The following SNTG1 variants were observed in gnomAD, a reference collection of about 807,000 sequenced individuals.
SNTG1 encodes the protein gamma-1-syntrophin.
Under a neutral mutation model 74.7 loss-of-function variants are expected in SNTG1, and 39 were observed. The observed-to-expected ratio is 0.52, with a 90% CI of 0.40 to 0.68. The LOEUF is 0.68. SNTG1 is among the 30% of genes least tolerant of loss of function. The pLI is 0.00. For synonymous variants in SNTG1, 254 were observed against 217.1 expected, an observed-to-expected ratio of 1.17 and a Z score of -1.49; for missense variants, 685 against 609.5, an observed-to-expected ratio of 1.12 and a Z score of -1.30.
intron 15 of SNTG1, among the ~76,000 whole-genome samples, chr8:50,694,124 G>A (rs1489930186): frequency 6.7e-6 from 1 of 148,420 alleles, no homozygotes; most frequent in Non-Finnish European, 1.5e-5. Context: ...AAACAAATTA[G>A]AGACTAGAAA....
intron 2 of SNTG1, among the ~76,000 whole-genome samples, chr8:50,255,930 G>A (rs1365567097): frequency 6.6e-6 from 1 of 152,090 alleles, no homozygotes; most frequent in Non-Finnish European, 1.5e-5. Context: ...CGTAGGACAG[G>A]CAAACCCTAC....
intron 18 of SNTG1, among the ~76,000 whole-genome samples, chr8:50,768,925 A>G (rs149865824): frequency 6.6e-6 from 1 of 152,166 alleles, no homozygotes; most frequent in East Asian, 1.9e-4. Flanking sequence ...TTTATTTCAA[A>G]CTAATGATTG....
At chr8:50,430,470 G>C (rs780741295) in intron 4 of SNTG1, among the ~76,000 whole-genome samples, 1 of 151,864 alleles carries the variant, frequency 6.6e-6, no homozygotes, top group African/African-American at 2.4e-5. Flanking sequence ...TCCACCACCC[G>C]TTTACTTGTT....
At chr8:50,420,750 G>C (rs1211781046) in intron 4 of SNTG1, among the ~76,000 whole-genome samples, 2 of 152,022 alleles carry the variant, frequency 1.3e-5, no homozygotes, top group South Asian at 2.1e-4. Flanking sequence ...AGATAGGCCA[G>C]GTGCAGTAGT....
At chr8:50,579,854 C>T (rs2094598943) in intron 12 of SNTG1, among the ~76,000 whole-genome samples, 1 of 152,170 alleles carries the variant, frequency 6.6e-6, no homozygotes, top group African/African-American at 2.4e-5. Context: ...CAGTGGAGCC[C>T]TCATGGAGAA....
At chr8:50,291,890 G>C (rs1322243647) in intron 2 of SNTG1, among the ~76,000 whole-genome samples, 1 of 152,070 alleles carries the variant, frequency 6.6e-6, no homozygotes, top group Non-Finnish European at 1.5e-5. Context: ...TGAGAGAAAG[G>C]GAGACATCAA....
At chr8:50,410,156 G>A (rs1188778169) in intron 4 of SNTG1, among the ~76,000 whole-genome samples, 1 of 152,196 alleles carries the variant, frequency 6.6e-6, no homozygotes, top group African/African-American at 2.4e-5. Context: ...GTGGCTTTTT[G>A]AGGTTCATTA....
intron 12 of SNTG1, among the ~76,000 whole-genome samples, chr8:50,588,826 T>C (rs75199823): frequency 0.05 from 7,598 of 152,244 alleles, 353 homozygotes; most frequent in African/African-American, 0.12. Context: ...TGACTTAATG[T>C]CTTGTTCTAC....
intron 2 of SNTG1, among the ~76,000 whole-genome samples, chr8:50,191,589 T>C (rs1379151736): frequency 6.6e-6 from 1 of 152,178 alleles, no homozygotes; most frequent in Non-Finnish European, 1.5e-5. Flanking sequence ...CTTTAAATTC[T>C]GGGATACATA....
chr8:50,059,304 T>C (rs995010743), intron 1 of SNTG1, among the ~76,000 whole-genome samples: 1 of 152,154 alleles, frequency 6.6e-6, no homozygotes, highest in South Asian at 2.1e-4. Flanking sequence ...CATGTTTAAC[T>C]TAGGTCAATT....
intron 1 of SNTG1, among the ~76,000 whole-genome samples, chr8:49,992,722 G>T (rs1476099690): frequency 6.6e-6 from 1 of 152,158 alleles, no homozygotes; most frequent in Non-Finnish European, 1.5e-5. Context: ...CTTTGCCATC[G>T]CTGTATGGGT....
chr8:50,647,997 C>T (rs868730769), intron 13 of SNTG1, among the ~76,000 whole-genome samples: 32 of 151,960 alleles, frequency 2.1e-4, no homozygotes, highest in African/African-American at 6.5e-4. Flanking sequence ...TCTTCAACTG[C>T]GTAATTATTA....
At chr8:50,168,181 T>C (rs1563687347) in intron 1 of SNTG1, among the ~76,000 whole-genome samples, 1 of 152,128 alleles carries the variant, frequency 6.6e-6, no homozygotes, top group African/African-American at 2.4e-5. Context: ...CTGAAAAAAA[T>C]CTACACATCT....
chr8:50,652,865 AT>A (rs1248324212), intron 13 of SNTG1, among the ~76,000 whole-genome samples: 1 of 152,000 alleles, frequency 6.6e-6, no homozygotes, highest in Non-Finnish European at 1.5e-5. Context: ...ATATAAAAAA[AT>A]CTAAACATTA....
At chr8:50,314,582 G>T (rs907571201) in intron 2 of SNTG1, among the ~76,000 whole-genome samples, 1 of 149,618 alleles carries the variant, frequency 6.7e-6, no homozygotes, top group Non-Finnish European at 1.5e-5. Flanking sequence ...ATATTGGGAG[G>T]TATAGATGGA....
intron 15 of SNTG1, among the ~76,000 whole-genome samples, chr8:50,694,973 A>G (rs2095398508): frequency 1.3e-5 from 2 of 152,010 alleles, no homozygotes; most frequent in African/African-American, 2.4e-5. Flanking sequence ...CCAAAAGTCA[A>G]CATTATTCTC....
At position 50,633,350 on chromosome 8, in the gene SNTG1, A is replaced by G. The variant is rs139773478; in HGVS notation, c.850-23559A>G. Among the ~76,000 whole-genome samples the G allele has an allele frequency of 4.0e-3, 602 of 152,328 alleles. 4 individuals are homozygous for G. Among genetic ancestry groups the G allele is most frequent in the Middle Eastern group, 0.01 (3 of 294 alleles). On this transcript the variant is annotated intron_variant, in intron 13 of 18. Coordinates refer to ENST00000642720, the MANE Select transcript of SNTG1 (RefSeq NM_018967.5). ...TTAAGAGATTTATCTCTTTTCAGAC[A>G]ACAGGTACATTTATGTTTCTGCCCT...
rs372931257 is a variant in SNTG1 at position 49,982,105 on chromosome 8, CT to C, written c.-103+69877del. ...TGATCCAATCAAACTCTTATGTCTC[CT>C]TTAAGTTAAAGATGCTTTCCTAGTT... On this transcript the variant is annotated intron_variant, in intron 1 of 18. Coordinates refer to ENST00000642720, the MANE Select transcript of SNTG1 (RefSeq NM_018967.5). Among the ~76,000 whole-genome samples the C allele has an allele frequency of 1.4e-4, 21 of 152,180 alleles. No individual in the cohort carries two copies. The East Asian group carries it at 3.9e-3, about 28-fold the overall frequency.
intron 2 of SNTG1, among the ~76,000 whole-genome samples, chr8:50,277,264 C>CAAAAAA (rs11361478): frequency 1.1e-5 from 1 of 95,164 alleles, no homozygotes; most frequent in African/African-American, 4.7e-5. Flanking sequence ...AAGACCCTGC[C>CAAAAAA]AAAAAAAAAA....
Sources: gnomAD v4.1 joint callset for allele counts (sites outside exome capture counted in the v4.1 genomes callset) on GRCh38, gnomAD v4.1.1 for gene constraint, MANE v1.5 for transcripts, NCBI Gene and HGNC (gene_info 2026-07-23, HGNC 2026-07-21) for gene names.